Variants in HTR3E observed in about 807,000 individuals in gnomAD.
HTR3E encodes 5-hydroxytryptamine receptor 3E.
HTR3E carries 38 observed loss-of-function variants against 38.0 expected under a neutral mutation model. The observed-to-expected ratio is 1.00, with a 90% CI of 0.77 to 1.31. The LOEUF is 1.31. HTR3E is among the 50% of genes most tolerant of loss of function. HTR3E has a pLI of 0.00. For synonymous variants in HTR3E, 210 were observed against 232.9 expected (o/e 0.90, Z 0.89); for missense variants, 547 against 585.2 (o/e 0.93, Z 0.67).
chr3:184,097,629 A>T, intron 1 of HTR3E, 33 bp downstream of exon 1: 1 of 1,489,830 alleles, frequency 6.7e-7, no homozygotes, highest in South Asian at 1.2e-5. Context: ...GGAAGGCGGA[A>T]GAAGGAGGAC....
intron 2 of HTR3E, among the ~76,000 whole-genome samples, chr3:184,101,058 C>A (rs371393583): frequency 1.3e-5 from 2 of 152,174 alleles, no homozygotes; most frequent in Non-Finnish European, 2.9e-5. Context: ...ATTCTCCTGC[C>A]TCAGCCTCCC....
At chr3:184,105,202 G>C (rs954252580) in intron 5 of HTR3E, 65 bp from the exon 6 acceptor site, 1 of 1,492,506 alleles carries the variant, frequency 6.7e-7, no homozygotes, top group African/African-American at 1.4e-5. Context: ...GATGGAAAAA[G>C]AGTGCAGTTG....
At chr3:184,099,730 A>AC in intron 1 of HTR3E, among the ~76,000 whole-genome samples, 1 of 144,090 alleles carries the variant, frequency 6.9e-6, no homozygotes, top group East Asian at 2.0e-4. Flanking sequence ...CAAAAAAAAA[A>AC]AAAAAAAAAA....
rs189582285 is a variant in HTR3E at position 184,099,601 on chromosome 3, C to T, written c.68-884C>T. ...CGGTGGCGGGCGCCTGTAGTCCCAG[C>T]TACTCGGGAGGCTGAGGCAGGAGAA... On this transcript the variant is annotated intron_variant, in intron 1 of 8. Transcript: ENST00000415389. 7.6e-3 allele frequency among the ~76,000 whole-genome samples: 1,140 copies of T among 149,566 alleles called. 16 individuals are homozygous for T. Among genetic ancestry groups the T allele is most frequent in the African/African-American group, 0.024 (973 of 40,152 alleles).
rs1200997549 is a variant in HTR3E at position 184,105,439 on chromosome 3, G to C, written c.720+12G>C. ...AGATCGTGTTCTATGTGAGCTTGGA[G>C]GCTCTTACTCTTTCCTTCCTCCCGC... On this transcript the variant is annotated intron_variant, in intron 6 of 8. Transcript: ENST00000415389. The C allele has an allele frequency of 6.3e-7, 1 of 1,593,614 alleles. No individual in the cohort carries two copies. Among genetic ancestry groups the C allele is most frequent in the South Asian group, 1.1e-5 (1 of 87,762 alleles).
intron 1 of HTR3E, among the ~76,000 whole-genome samples, chr3:184,099,574 C>T (rs1484142480): frequency 2.7e-5 from 4 of 150,466 alleles, no homozygotes; most frequent in Admixed American, 2.0e-4. Flanking sequence ...ATTAGCCGGG[C>T]GCGGTGGCGG....
intron 1 of HTR3E, 125 bp downstream of exon 1, chr3:184,097,721 A>G: frequency 1.5e-6 from 1 of 682,678 alleles, no homozygotes; most frequent in Non-Finnish European, 2.5e-6. Flanking sequence ...GTTCTTTCAT[A>G]GCTACATTAC....
In HTR3E at chr3:184,106,713, C is replaced by T; in HGVS notation, c.*20C>T. ...ACCTAGGCAGGTGCTCACCTGCCAACTTCAGTCTGGAGCTTCTCTTGCCTC... is the reference window on the plus strand; with the variant it reads ...ACCTAGGCAGGTGCTCACCTGCCAATTTCAGTCTGGAGCTTCTCTTGCCTC... On this transcript the variant is annotated 3_prime_UTR_variant, in exon 9 of 9. Coordinates refer to ENST00000415389, the MANE Select transcript of HTR3E (RefSeq NM_001256613.2). The surrounding 1 kb of genome is among the most constrained non-coding windows in gnomAD (Gnocchi z 4.1). 1 of 1,611,490 alleles carries T rather than the reference C, an allele frequency of 6.2e-7. No homozygotes were observed. The highest frequency in any genetic ancestry group is 8.5e-7 in the Non-Finnish European group (1 of 1,178,088).
intron 1 of HTR3E, among the ~76,000 whole-genome samples, chr3:184,099,948 A>G (rs1016797675): frequency 6.6e-6 from 1 of 152,056 alleles, no homozygotes; most frequent in Non-Finnish European, 1.5e-5. Context: ...CACAGTTTGC[A>G]TATAGATTTG....
intron 2 of HTR3E, 57 bp downstream of exon 2, chr3:184,100,708 G>C: frequency 6.4e-7 from 1 of 1,572,020 alleles, no homozygotes; most frequent in Admixed American, 1.7e-5. Flanking sequence ...CCAGCCCCTG[G>C]CAAAGTGGCC....
rs778384848 is a variant in HTR3E at position 184,105,957 on chromosome 3, A to T, written c.913A>T (p.Thr305Ser). The change falls in exon 7 of 9, where the codon ACC becomes TCC. Residue 305 changes from threonine (T) to serine (S), a missense_variant. By Grantham distance (58) the Thr-to-Ser change is moderately conservative. Transcript: ENST00000415389. ...MMSDLLPTSG[T>S]PLIGVYFALC... Reference sequence around the variant, plus strand: ...GAGTGACTTGCTCCCCACCAGTGGCACCCCCCTCATCGGTATGGCTCCTCC... The same window carrying T: ...GAGTGACTTGCTCCCCACCAGTGGCTCCCCCCTCATCGGTATGGCTCCTCC... 6.2e-7 allele frequency: 1 copy of T among 1,613,506 alleles called. No homozygotes were observed. The highest frequency in any genetic ancestry group is 1.1e-5 in the South Asian group (1 of 91,046).
chr3:184,100,527 A>G lies in HTR3E; in HGVS notation c.110A>G (p.Gln37Arg). ...ACCATCAATTGCTCAGGGTTTGGCCAGCACGGGGCGGATCCCACTGCTCTG... is the reference window on the plus strand; with the variant it reads ...ACCATCAATTGCTCAGGGTTTGGCCGGCACGGGGCGGATCCCACTGCTCTG... ...TFTINCSGFG[Q>R]HGADPTALNS... Residue 37 changes from glutamine to arginine, a missense_variant, in exon 2 of 9, where the codon CAG becomes CGG. Gln to Arg is a conservative substitution (Grantham distance 43). Transcript: ENST00000415389. The G allele has an allele frequency of 9.3e-6, 15 of 1,614,172 alleles. No homozygotes were observed. Among genetic ancestry groups the G allele is most frequent in the Non-Finnish European group, 1.3e-5 (15 of 1,180,040 alleles).
intron 3 of HTR3E, among the ~76,000 whole-genome samples, chr3:184,102,559 A>G (rs921719369): frequency 1.3e-4 from 20 of 151,968 alleles, no homozygotes; most frequent in African/African-American, 4.3e-4. Flanking sequence ...GCAGCACACC[A>G]ATATGGCACA....
chr3:184,098,079 C>G (rs1011372024), intron 1 of HTR3E, among the ~76,000 whole-genome samples: 2 of 152,182 alleles, frequency 1.3e-5, no homozygotes, highest in Non-Finnish European at 2.9e-5. Context: ...ATTTCCCTGT[C>G]CATCTGCTGG....
At position 184,106,177 on chromosome 3, in the gene HTR3E, G is replaced by A. The variant is rs779991256; in HGVS notation, c.975G>A (p.Glu325=). The change falls in exon 8 of 9, where the codon GAG becomes GAA. Residue 325 remains glutamate, a synonymous_variant. Transcript: ENST00000415389. This position sits in a 1 kb window ranked among gnomAD's most constrained non-coding sequence, Gnocchi z 4.1. ...CCCTGATGGTGGGCAGCCTGCTGGA[G>A]ACCATCTTCATCACCCACCTGCTGC... ...CLSLMVGSLL[E]TIFITHLLHV... is the part of the protein sequence containing the mutation. 1.9e-6 allele frequency: 3 copies of A among 1,612,694 alleles called. No individual in the cohort carries two copies. The highest frequency in any genetic ancestry group is 2.5e-6 in the Non-Finnish European group (3 of 1,179,988).
At chr3:184,100,104 C>G (rs1245202826) in intron 1 of HTR3E, 6 of 1,268,728 alleles carry the variant, frequency 4.7e-6, no homozygotes, top group African/African-American at 1.5e-5. Flanking sequence ...GGACCCCTCT[C>G]GGTGATCCCC....
chr3:184,105,003 A>G, intron 5 of HTR3E, 47 bp downstream of exon 5: 1 of 1,543,354 alleles, frequency 6.5e-7, no homozygotes, highest in African/African-American at 1.4e-5. Context: ...AGAGCAACCA[A>G]CAAATATAAA....
intron 3 of HTR3E, among the ~76,000 whole-genome samples, chr3:184,102,839 C>T (rs1463879378): frequency 6.6e-6 from 1 of 151,600 alleles, no homozygotes; most frequent in African/African-American, 2.4e-5. Context: ...GCACAAGAAT[C>T]GCTTGAGCCA....
Position 184,104,828 on chromosome 3 carries a change from T to C in HTR3E, c.431T>C (p.Val144Ala), listed in dbSNP as rs755821683. The change falls in exon 5 of 9, where the codon GTA becomes GCA. Residue 144 changes from valine to alanine, a missense_variant. Coordinates refer to ENST00000415389, the MANE Select transcript of HTR3E (RefSeq NM_001256613.2). ...ACCCCAAAAGGCCTCACAGCATATG[T>C]AAGTAATGAAGGTCGCATCAGGTAT... Reference protein sequence around the residue: ...DKTPKGLTAYVSNEGRIRYKK... With the variant: ...DKTPKGLTAYASNEGRIRYKK... 1.2e-6 allele frequency: 2 copies of C among 1,614,036 alleles called. No individual in the cohort carries two copies. Among genetic ancestry groups the C allele is most frequent in the South Asian group, 2.2e-5 (2 of 91,076 alleles).
Sources: allele counts gnomAD v4.1 joint callset (sites outside exome capture counted in the v4.1 genomes callset), GRCh38; gene constraint gnomAD v4.1.1; non-coding constraint Gnocchi (gnomAD v3.1); transcripts MANE v1.5; gene names NCBI Gene and HGNC (gene_info 2026-07-23, HGNC 2026-07-21).